The following TTC28 variants were observed in gnomAD, a reference collection of about 807,000 sequenced individuals.
TTC28 encodes the protein tetratricopeptide repeat protein 28.
TTC28 carries 61 observed loss-of-function variants against 198.0 expected under a neutral mutation model. The ratio of observed to expected loss-of-function variants is 0.31; its 90% CI spans 0.25 to 0.38. The LOEUF is 0.38. Among genes scored for constraint, TTC28 ranks in the 10% least tolerant of loss-of-function variants. TTC28 has a pLI of 1.00. For synonymous variants in TTC28, 1,171 were observed against 1,297.8 expected, an observed-to-expected ratio of 0.90 and a Z score of 2.10; for missense variants, 2,678 against 3,164.0, an observed-to-expected ratio of 0.85 and a Z score of 3.69.
chr22:28,342,109 A>G lies in TTC28; in HGVS notation c.382-35466T>C, dbSNP rs567952645. Among the ~76,000 whole-genome samples the G allele has an allele frequency of 2.6e-5, 4 of 152,374 alleles. No homozygotes were observed. The South Asian group carries it at 6.2e-4, about 24-fold the overall frequency. ...ATCTATCTTTGGGTTTCTAAGAGCT[A>G]AAATTGTTTTTTGTGTTAAATTTCC... On this transcript the variant is annotated intron_variant, in intron 2 of 22. Coordinates refer to ENST00000397906, the MANE Select transcript of TTC28 (RefSeq NM_001145418.2).
chr22:28,597,124 T>G (rs916077433), intron 2 of TTC28, among the ~76,000 whole-genome samples: 2 of 152,210 alleles, frequency 1.3e-5, no homozygotes, highest in African/African-American at 4.8e-5. Context: ...CTAGGTGGCT[T>G]GAACATTTGT....
chr22:28,164,022 T>A (rs1156786614), intron 5 of TTC28, among the ~76,000 whole-genome samples: 1 of 152,246 alleles, frequency 6.6e-6, no homozygotes, highest in Non-Finnish European at 1.5e-5. Context: ...CAGAGGGTCC[T>A]ATGCCCATGG....
intron 1 of TTC28, among the ~76,000 whole-genome samples, chr22:28,647,704 T>C (rs2051492413): frequency 1.3e-5 from 2 of 150,840 alleles, no homozygotes; most frequent in African/African-American, 4.9e-5. Context: ...CCGGGTGTGG[T>C]GGCAGGCGCC....
At chr22:28,669,458 A>G (rs1004612097) in intron 1 of TTC28, among the ~76,000 whole-genome samples, 1 of 150,506 alleles carries the variant, frequency 6.6e-6, no homozygotes, top group African/African-American at 2.4e-5. Flanking sequence ...AAAAGGTACA[A>G]TTTACCCAAT....
chr22:28,580,291 C>T (rs746202868), intron 2 of TTC28, among the ~76,000 whole-genome samples: 2 of 152,192 alleles, frequency 1.3e-5, no homozygotes, highest in African/African-American at 2.4e-5. Context: ...CCATCTTTTA[C>T]TATCTCCCTT....
chr22:28,672,748 T>C (rs9620813), intron 1 of TTC28, among the ~76,000 whole-genome samples: 1,756 of 152,320 alleles, frequency 0.012, 33 homozygotes, highest in African/African-American at 0.04. Flanking sequence ...GAGGTAATAA[T>C]AGTAACTGGA....
intron 12 of TTC28, among the ~76,000 whole-genome samples, chr22:28,082,651 G>C (rs1484810327): frequency 1.3e-5 from 2 of 152,066 alleles, no homozygotes; most frequent in Non-Finnish European, 2.9e-5. Flanking sequence ...CAGTTTGCTG[G>C]TATTTTTTGA....
At chr22:28,271,563 G>T (rs1308257492) in intron 5 of TTC28, among the ~76,000 whole-genome samples, 1 of 152,044 alleles carries the variant, frequency 6.6e-6, no homozygotes, top group Admixed American at 6.6e-5. Flanking sequence ...CATGGGGGCG[G>T]TTTTCCCCAC....
At chr22:28,057,097 G>T (rs1361831841) in intron 12 of TTC28, among the ~76,000 whole-genome samples, 1 of 152,110 alleles carries the variant, frequency 6.6e-6, no homozygotes, top group Non-Finnish European at 1.5e-5. Flanking sequence ...AGCTGCTAAT[G>T]ACATTTATGT....
intron 2 of TTC28, among the ~76,000 whole-genome samples, chr22:28,466,978 A>G (rs2048030839): frequency 6.6e-6 from 1 of 152,178 alleles, no homozygotes; most frequent in Non-Finnish European, 1.5e-5. Context: ...ATTCTATTCT[A>G]TTTGTGAAGA....
chr22:28,484,057 C>T (rs1385791704), intron 2 of TTC28, among the ~76,000 whole-genome samples: 1 of 152,190 alleles, frequency 6.6e-6, no homozygotes, highest in East Asian at 1.9e-4. Flanking sequence ...CTGCTACAGT[C>T]ATCTCCTATC....
chr22:28,219,423 C>T (rs1206393497), intron 5 of TTC28, among the ~76,000 whole-genome samples: 5 of 151,782 alleles, frequency 3.3e-5, no homozygotes, highest in South Asian at 4.2e-4. Context: ...ACACGAGAAT[C>T]GCTTGAACCT....
At chr22:28,542,860 A>G (rs561072346) in intron 2 of TTC28, among the ~76,000 whole-genome samples, 100 of 152,310 alleles carry the variant, frequency 6.6e-4, no homozygotes, top group African/African-American at 2.3e-3. Context: ...ATAGAAAAAC[A>G]AAGTAAGTAG....
At chr22:28,133,018 G>A (rs1408560092) in intron 6 of TTC28, among the ~76,000 whole-genome samples, 6 of 152,186 alleles carry the variant, frequency 3.9e-5, no homozygotes, top group Non-Finnish European at 7.3e-5. Flanking sequence ...GAGGTCAGGA[G>A]TTTGAGACCA....
intron 2 of TTC28, among the ~76,000 whole-genome samples, chr22:28,511,768 A>C (rs1326785480): frequency 6.6e-6 from 1 of 151,918 alleles, no homozygotes; most frequent in Admixed American, 6.6e-5. Context: ...CAGTGAGCTG[A>C]GATCATGCCA....
chr22:28,365,354 G>T (rs1203506619), intron 2 of TTC28, among the ~76,000 whole-genome samples: 2 of 152,046 alleles, frequency 1.3e-5, no homozygotes, highest in Non-Finnish European at 2.9e-5. Context: ...TTGCTTTATT[G>T]CAACAGTCTG....
At chr22:28,643,119 G>A (rs1786719840) in intron 1 of TTC28, 1 of 152,084 alleles carries the variant, frequency 6.6e-6, no homozygotes, top group South Asian at 2.1e-4. Context: ...CAATCTGGTG[G>A]TCCCCGCTCC....
chr22:28,129,180 C>T (rs1193408080), intron 6 of TTC28, among the ~76,000 whole-genome samples: 1 of 152,184 alleles, frequency 6.6e-6, no homozygotes, highest in African/African-American at 2.4e-5. Flanking sequence ...TGAAGGGAGG[C>T]AGATGAACTG....
chr22:28,649,688 A>G (rs2146259129), intron 1 of TTC28, among the ~76,000 whole-genome samples: 1 of 152,312 alleles, frequency 6.6e-6, no homozygotes, highest in Non-Finnish European at 1.5e-5. Flanking sequence ...TATGGTAAAT[A>G]GCCAACTTCT....
Sources: allele counts gnomAD v4.1 joint callset (sites outside exome capture counted in the v4.1 genomes callset), GRCh38; gene constraint gnomAD v4.1.1; transcripts MANE v1.5; gene names NCBI Gene and HGNC (gene_info 2026-07-23, HGNC 2026-07-21).